Variants in ASAP1 observed in about 807,000 individuals in gnomAD.
ASAP1 encodes arf-GAP with SH3 domain, ANK repeat and PH domain-containing protein 1.
Under a neutral mutation model 145.2 loss-of-function variants are expected in ASAP1, and 43 were observed. That is an observed-to-expected ratio of 0.30 (90% CI 0.23 to 0.38). ASAP1 has a LOEUF of 0.38. Among genes scored for constraint, ASAP1 ranks in the 10% least tolerant of loss-of-function variants. ASAP1 has a pLI of 1.00. For synonymous variants in ASAP1, 546 were observed against 515.5 expected (o/e 1.06, Z -0.80); for missense variants, 1,018 against 1,355.3 (o/e 0.75, Z 3.91).
At chr8:130,169,760 CT>C (rs955070988) in intron 9 of ASAP1, among the ~76,000 whole-genome samples, 2 of 152,328 alleles carry the variant, frequency 1.3e-5, no homozygotes, top group Admixed American at 1.3e-4. Context: ...AATTAAAGCA[CT>C]TCAATCTCAT....
chr8:130,072,373 G>C (rs1488489658), intron 27 of ASAP1, among the ~76,000 whole-genome samples: 1 of 152,162 alleles, frequency 6.6e-6, no homozygotes, highest in East Asian at 1.9e-4. Context: ...TAGTGAATAA[G>C]TCTCATGAAA....
At chr8:130,072,830 C>CGTGCGCGCGCGCGCGCGCACGCGCG (rs1448184178) in intron 27 of ASAP1, among the ~76,000 whole-genome samples, 24 of 31,886 alleles carry the variant, frequency 7.5e-4, no homozygotes, top group East Asian at 6.4e-3. Flanking sequence ...TGTGTGCGCG[C>CGTGCGCGCGCGCGCGCGCACGCGCG]GGGGGGGGGC....
chr8:130,213,180 C>T (rs533712417), intron 5 of ASAP1, among the ~76,000 whole-genome samples: 2 of 152,324 alleles, frequency 1.3e-5, no homozygotes, highest in Non-Finnish European at 2.9e-5. Flanking sequence ...AGCACAGAAA[C>T]ATTAGAGCCA....
At chr8:130,121,148 G>A (rs1246182011) in intron 18 of ASAP1, among the ~76,000 whole-genome samples, 2 of 151,998 alleles carry the variant, frequency 1.3e-5, no homozygotes, top group Non-Finnish European at 2.9e-5. Flanking sequence ...TATCTTCATT[G>A]CTACCACCTT....
At position 130,377,480 on chromosome 8, in the gene ASAP1, G is replaced by A. The variant is rs1022799981; in HGVS notation, c.60-19337C>T. Among the ~76,000 whole-genome samples the A allele has an allele frequency of 3.3e-5, 5 of 152,170 alleles. No individual in the cohort carries two copies. In the East Asian group the frequency reaches 7.7e-4, roughly 23 times the overall value. On this transcript the variant is annotated intron_variant, in intron 2 of 29. Coordinates refer to ENST00000518721, the MANE Select transcript of ASAP1 (RefSeq NM_018482.4). Reference sequence around the variant, plus strand: ...CCCTTGTTGTTTATTCATTTGACACGCACTGACCAAGCGCCTCCTGCCTGC... The same window carrying A: ...CCCTTGTTGTTTATTCATTTGACACACACTGACCAAGCGCCTCCTGCCTGC...
chr8:130,343,676 A>T (rs564153174), intron 3 of ASAP1, among the ~76,000 whole-genome samples: 1 of 152,358 alleles, frequency 6.6e-6, no homozygotes, highest in Non-Finnish European at 1.5e-5. Flanking sequence ...ACTAGAGCAG[A>T]ATATGACAGA....
At chr8:130,242,663 T>G (rs1818610356) in intron 3 of ASAP1, among the ~76,000 whole-genome samples, 1 of 152,132 alleles carries the variant, frequency 6.6e-6, no homozygotes, top group African/African-American at 2.4e-5. Context: ...ATTTACCCAT[T>G]GTAAATCTCC....
At chr8:130,354,986 T>C (rs756320551) in intron 3 of ASAP1, among the ~76,000 whole-genome samples, 1 of 152,198 alleles carries the variant, frequency 6.6e-6, no homozygotes, top group African/African-American at 2.4e-5. Context: ...CCCGGGTTCA[T>C]ATGATTCTCC....
chr8:130,188,723 CAAAA>C (rs370580190), intron 5 of ASAP1, among the ~76,000 whole-genome samples: 1 of 83,840 alleles, frequency 1.2e-5, no homozygotes, highest in Non-Finnish European at 2.2e-5. Context: ...GAGACTCTCT[CAAAA>C]AAAAAAAAAA....
chr8:130,197,589 C>T (rs906755678), intron 5 of ASAP1, among the ~76,000 whole-genome samples: 1 of 152,228 alleles, frequency 6.6e-6, no homozygotes, highest in African/African-American at 2.4e-5. Flanking sequence ...GCCAAACACA[C>T]GCAGTTAGCT....
At chr8:130,098,437 G>A (rs940920611) in intron 24 of ASAP1, among the ~76,000 whole-genome samples, 4 of 152,070 alleles carry the variant, frequency 2.6e-5, no homozygotes, top group East Asian at 3.9e-4. Flanking sequence ...TCCACCTCCC[G>A]GGTTCAAGCG....
chr8:130,088,537 G>C (rs747628393), intron 25 of ASAP1, among the ~76,000 whole-genome samples: 7 of 152,164 alleles, frequency 4.6e-5, no homozygotes, highest in Non-Finnish European at 7.3e-5. Context: ...ACCACTCCAC[G>C]GATCACCTGG....
At chr8:130,409,949 T>A (rs946477085) in intron 1 of ASAP1, among the ~76,000 whole-genome samples, 2 of 152,160 alleles carry the variant, frequency 1.3e-5, no homozygotes, top group African/African-American at 4.8e-5. Flanking sequence ...CACAGTCTGG[T>A]GGGGCAGGGA....
chr8:130,290,383 T>C (rs1238054145), intron 3 of ASAP1, among the ~76,000 whole-genome samples: 1 of 152,200 alleles, frequency 6.6e-6, no homozygotes, highest in African/African-American at 2.4e-5. Flanking sequence ...TGTTCAGAAC[T>C]CGTTAAGCAA....
chr8:130,064,406 C>T (rs2097425876), intron 27 of ASAP1, among the ~76,000 whole-genome samples: 1 of 152,116 alleles, frequency 6.6e-6, no homozygotes, highest in Non-Finnish European at 1.5e-5. Flanking sequence ...GGCCTGAACA[C>T]CTGGAAGAAT....
intron 24 of ASAP1, among the ~76,000 whole-genome samples, chr8:130,100,754 T>A (rs2097527383): frequency 6.6e-6 from 1 of 152,230 alleles, no homozygotes; most frequent in African/African-American, 2.4e-5. Flanking sequence ...CCTTGTAAGA[T>A]GAATAGTTTG....
chr8:130,290,520 G>A (rs1470452487), intron 3 of ASAP1, among the ~76,000 whole-genome samples: 1 of 152,176 alleles, frequency 6.6e-6, no homozygotes, highest in Non-Finnish European at 1.5e-5. Flanking sequence ...CTGAACCAGG[G>A]CTATTATGGT....
In ASAP1 at chr8:130,358,107, G is replaced by C; in HGVS notation, c.96C>G (p.Ala32=). The C allele has an allele frequency of 6.2e-7, 1 of 1,609,204 alleles. No homozygotes were observed. Reference sequence around the variant, plus strand: ...GCGAGTTGTAGTCCTCGGTGGTCTCGGCGATGAACTCCGAGACAGAGATCT... The same window carrying C: ...GCGAGTTGTAGTCCTCGGTGGTCTCCGCGATGAACTCCGAGACAGAGATCT... The part of the protein sequence containing the change: ...PDQISVSEFI[A]ETTEDYNSPT... The change falls in exon 3 of 30, where the codon GCC becomes GCG. Residue 32 remains alanine, a synonymous_variant. Transcript: ENST00000518721. This position sits in a 1 kb window ranked among gnomAD's most constrained non-coding sequence, Gnocchi z 4.1.
intron 2 of ASAP1, among the ~76,000 whole-genome samples, chr8:130,394,034 G>T (rs1158327058): frequency 1.3e-5 from 2 of 152,022 alleles, no homozygotes; most frequent in African/African-American, 2.4e-5. Flanking sequence ...GTCAACTCAG[G>T]ACCCTGTGAT....
Sources: allele counts gnomAD v4.1 joint callset (sites outside exome capture counted in the v4.1 genomes callset), GRCh38; gene constraint gnomAD v4.1.1; non-coding constraint Gnocchi (gnomAD v3.1); transcripts MANE v1.5; gene names NCBI Gene and HGNC (gene_info 2026-07-23, HGNC 2026-07-21).